Variants in CCDC192 observed in about 807,000 individuals in gnomAD.
The protein encoded by CCDC192 is coiled-coil domain-containing protein 192.
intron 6 of CCDC192, among the ~76,000 whole-genome samples, chr5:127,933,739 G>T (rs536515177): frequency 6.6e-6 from 1 of 152,224 alleles, no homozygotes; most frequent in African/African-American, 2.4e-5. Context: ...CTATTAAAAG[G>T]TAAGGTCTTT....
intron 5 of CCDC192, among the ~76,000 whole-genome samples, chr5:127,856,712 T>C (rs1486372475): frequency 6.6e-6 from 1 of 152,202 alleles, no homozygotes. Flanking sequence ...TTCAGTATTC[T>C]TGTGTCTCAG....
At chr5:127,920,407 C>CTTTTT (rs11388727) in intron 6 of CCDC192, among the ~76,000 whole-genome samples, 13 of 115,796 alleles carry the variant, frequency 1.1e-4, no homozygotes, top group African/African-American at 3.4e-4. Context: ...ACTGAAGAGG[C>CTTTTT]TTTTTTTTTT....
chr5:127,707,510 T>TG (rs1422933549), intron 1 of CCDC192, among the ~76,000 whole-genome samples, 199 bp from the exon 2 acceptor site: 1 of 152,196 alleles, frequency 6.6e-6, no homozygotes. Context: ...TATTTTATCT[T>TG]CTGCGAGTAA....
At chr5:127,751,693 A>AAT (rs571915051) in intron 2 of CCDC192, among the ~76,000 whole-genome samples, 2,157 of 152,248 alleles carry the variant, frequency 0.014, 42 homozygotes, top group African/African-American at 0.05. Context: ...TCTCCTGGAT[A>AAT]ATATCCTGCA....
chr5:127,873,685 A>G (rs1477952509), intron 5 of CCDC192, among the ~76,000 whole-genome samples: 1 of 152,098 alleles, frequency 6.6e-6, no homozygotes, highest in East Asian at 1.9e-4. Context: ...CCTACTCTAT[A>G]TCTCCAAAGT....
chr5:127,893,686 A>G (rs1242606438), intron 6 of CCDC192, among the ~76,000 whole-genome samples: 1 of 152,268 alleles, frequency 6.6e-6, no homozygotes, highest in Non-Finnish European at 1.5e-5. Flanking sequence ...CATAAGGGAC[A>G]GAAATCTGAT....
intron 1 of CCDC192, among the ~76,000 whole-genome samples, chr5:127,706,310 T>G (rs758451194): frequency 1.3e-5 from 2 of 151,896 alleles, no homozygotes; most frequent in Non-Finnish European, 2.9e-5. Flanking sequence ...GGGTGGATCA[T>G]GAGGTTAAGA....
intron 3 of CCDC192, among the ~76,000 whole-genome samples, chr5:127,777,064 C>T (rs183322761): frequency 2.0e-4 from 30 of 152,298 alleles, no homozygotes; most frequent in Middle Eastern, 3.4e-3. Flanking sequence ...AAGAGGGCCA[C>T]TGTCCTCCAG....
chr5:127,774,973 TG>T (rs1186831812), intron 3 of CCDC192, among the ~76,000 whole-genome samples: 4 of 152,214 alleles, frequency 2.6e-5, no homozygotes, highest in Non-Finnish European at 5.9e-5. Context: ...TTCCCTTCCT[TG>T]GTTAAATTTA....
chr5:127,838,884 G>GC (rs1750152502), intron 5 of CCDC192, among the ~76,000 whole-genome samples: 1 of 152,184 alleles, frequency 6.6e-6, no homozygotes, highest in African/African-American at 2.4e-5. Context: ...AAAGACTGTC[G>GC]CTGGGGTGAC....
intron 2 of CCDC192, among the ~76,000 whole-genome samples, chr5:127,708,523 G>T (rs550051003): frequency 2.6e-5 from 4 of 152,190 alleles, no homozygotes; most frequent in African/African-American, 9.6e-5. Context: ...GATATTTCTG[G>T]AACAATCTTT....
chr5:127,912,558 C>T (rs554615123), intron 6 of CCDC192, among the ~76,000 whole-genome samples: 9 of 151,850 alleles, frequency 5.9e-5, no homozygotes, highest in Middle Eastern at 3.4e-3. Context: ...CACAGGAGAA[C>T]ACCGAGCCTC....
At chr5:127,835,070 C>G (rs1425513859) in intron 5 of CCDC192, among the ~76,000 whole-genome samples, 1 of 152,116 alleles carries the variant, frequency 6.6e-6, no homozygotes, top group Non-Finnish European at 1.5e-5. Flanking sequence ...AAGTAATGAT[C>G]ATGTCTTTAA....
chr5:127,909,279 T>C (rs568577641), intron 6 of CCDC192, among the ~76,000 whole-genome samples: 31 of 152,198 alleles, frequency 2.0e-4, no homozygotes, highest in Non-Finnish European at 3.4e-4. Flanking sequence ...ATACCTTACG[T>C]TGACTGGCCA....
At chr5:127,919,011 ATATG>A (rs1753617730) in intron 6 of CCDC192, among the ~76,000 whole-genome samples, 1 of 146,000 alleles carries the variant, frequency 6.8e-6, no homozygotes, top group Non-Finnish European at 1.6e-5. Flanking sequence ...GTGTATGTAT[ATATG>A]TGTGTGTATG....
rs541279097 is a variant in CCDC192, at chr5:127,728,858, C to G, written c.114+21098C>G. Among the ~76,000 whole-genome samples the G allele has an allele frequency of 2.0e-5, 3 of 152,206 alleles. No homozygotes were observed. The East Asian group carries it at 5.8e-4, about 29-fold the overall frequency. On this transcript the variant is annotated intron_variant, in intron 2 of 6. Coordinates refer to ENST00000514853, the MANE Select transcript of CCDC192 (RefSeq NM_001317938.2). Reference sequence around the variant, plus strand: ...AATAAAAGGATGGAGAAAAACTTACCAAGCAAATGCAAAGTAGAAAAAAAC... The same window carrying G: ...AATAAAAGGATGGAGAAAAACTTACGAAGCAAATGCAAAGTAGAAAAAAAC...
intron 6 of CCDC192, among the ~76,000 whole-genome samples, chr5:127,925,547 A>G (rs777938858): frequency 6.6e-6 from 1 of 152,182 alleles, no homozygotes; most frequent in Non-Finnish European, 1.5e-5. Context: ...TTGTTTTATT[A>G]CAGTAAAATT....
chr5:127,862,153 T>C (rs1441420709), intron 5 of CCDC192, among the ~76,000 whole-genome samples: 1 of 152,166 alleles, frequency 6.6e-6, no homozygotes, highest in African/African-American at 2.4e-5. Flanking sequence ...CTCCACAAAT[T>C]CCTTAACTGC....
chr5:127,893,529 G>C (rs527374941), intron 6 of CCDC192, among the ~76,000 whole-genome samples: 1 of 152,160 alleles, frequency 6.6e-6, no homozygotes, highest in African/African-American at 2.4e-5. Flanking sequence ...CTTCCAAAAA[G>C]AGGGGAAGGG....
Sources: gnomAD v4.1 joint callset for allele counts (sites outside exome capture counted in the v4.1 genomes callset) on GRCh38, gnomAD v4.1.1 for gene constraint, MANE v1.5 for transcripts, NCBI Gene and HGNC (gene_info 2026-07-23, HGNC 2026-07-21) for gene names.